Variants in TBC1D22A observed in about 807,000 individuals in gnomAD.
TBC1D22A encodes the protein TBC1 domain family member 22A.
In TBC1D22A, 38 loss-of-function variants were observed where a neutral mutation model predicts 60.2. The ratio of observed to expected loss-of-function variants is 0.63; its 90% CI spans 0.49 to 0.83. TBC1D22A has a LOEUF of 0.83. Among genes scored for constraint, TBC1D22A ranks in the 40% least tolerant of loss-of-function variants. The pLI is 0.00. For missense variants in TBC1D22A, 628 were observed against 701.0 expected (o/e 0.90, Z 1.18); for synonymous variants, 302 against 281.7 (o/e 1.07, Z -0.72).
intron 4 of TBC1D22A, among the ~76,000 whole-genome samples, chr22:46,843,284 C>T (rs1329919375): frequency 2.0e-5 from 3 of 152,040 alleles, no homozygotes; most frequent in Non-Finnish European, 4.4e-5. Flanking sequence ...CACAGAGCAG[C>T]GCTCAGTCAA....
intron 9 of TBC1D22A, among the ~76,000 whole-genome samples, chr22:46,976,335 G>A (rs557206998): frequency 5.9e-5 from 9 of 152,302 alleles, no homozygotes; most frequent in African/African-American, 1.4e-4. Flanking sequence ...CGTGGCAGCC[G>A]TTGATCTTCT....
rs550090415 is a variant in TBC1D22A, at chr22:46,971,967, G to A, written c.1016-2323G>A. 3.3e-5 allele frequency among the ~76,000 whole-genome samples: 5 copies of A among 152,344 alleles called. No homozygotes were observed. The South Asian group carries it at 1.0e-3, about 32-fold the overall frequency. On this transcript the variant is annotated intron_variant, in intron 8 of 12. Transcript: ENST00000337137. ...GTGGGTGGACAGAACCACCAGGAGAGTGCTGGTGTCATGGGCACACCCGGC... is the reference window on the plus strand; with the variant it reads ...GTGGGTGGACAGAACCACCAGGAGAATGCTGGTGTCATGGGCACACCCGGC...
chr22:46,898,276 C>G (rs1406419738), intron 7 of TBC1D22A, among the ~76,000 whole-genome samples: 2 of 152,098 alleles, frequency 1.3e-5, no homozygotes, highest in East Asian at 1.9e-4. Flanking sequence ...CCACCATGGG[C>G]CTTGAGCTGT....
At chr22:46,787,236 A>G (rs1019517882) in intron 1 of TBC1D22A, among the ~76,000 whole-genome samples, 19 of 152,022 alleles carry the variant, frequency 1.2e-4, no homozygotes, top group Non-Finnish European at 2.8e-4. Flanking sequence ...AGTCTAGCCA[A>G]AGGTTTGTCA....
intron 8 of TBC1D22A, among the ~76,000 whole-genome samples, chr22:46,916,572 CAG>C (rs941592727): frequency 6.6e-6 from 1 of 152,218 alleles, no homozygotes; most frequent in African/African-American, 2.4e-5. Flanking sequence ...CATAACCATA[CAG>C]AGACACAAAC....
intron 12 of TBC1D22A, among the ~76,000 whole-genome samples, chr22:47,156,019 C>T (rs752311562): frequency 6.6e-6 from 1 of 152,100 alleles, no homozygotes; most frequent in African/African-American, 2.4e-5. Context: ...ACACCGGGTT[C>T]ATCAAGTGCC....
chr22:47,001,299 CTT>C (rs11331060), intron 10 of TBC1D22A, among the ~76,000 whole-genome samples: 2,475 of 133,874 alleles, frequency 0.018, 36 homozygotes, highest in African/African-American at 0.048. Flanking sequence ...TTCTTTCTTT[CTT>C]TTTTTTTTTT....
chr22:46,949,712 T>C (rs2072780838), intron 8 of TBC1D22A, among the ~76,000 whole-genome samples: 1 of 152,202 alleles, frequency 6.6e-6, no homozygotes, highest in Non-Finnish European at 1.5e-5. Flanking sequence ...AGTTGGATAT[T>C]GGCAAGCACT....
chr22:46,782,214 C>A (rs1392308544), intron 1 of TBC1D22A, among the ~76,000 whole-genome samples: 1 of 152,178 alleles, frequency 6.6e-6, no homozygotes, highest in Non-Finnish European at 1.5e-5. Flanking sequence ...ACCATCACAC[C>A]CAGCTAATTC....
At chr22:46,850,510 A>G (rs1359005038) in intron 4 of TBC1D22A, among the ~76,000 whole-genome samples, 2 of 152,222 alleles carry the variant, frequency 1.3e-5, no homozygotes, top group Non-Finnish European at 2.9e-5. Context: ...CAAAAAGAAA[A>G]AAAAGACAGG....
At chr22:47,173,223 C>T (rs924446683) in intron 12 of TBC1D22A, among the ~76,000 whole-genome samples, 18 of 152,162 alleles carry the variant, frequency 1.2e-4, no homozygotes, top group African/African-American at 3.9e-4. Flanking sequence ...TGGGATGGGG[C>T]GGTGGCCGTG....
At chr22:46,834,912 C>G (rs976089584) in intron 4 of TBC1D22A, among the ~76,000 whole-genome samples, 1 of 152,184 alleles carries the variant, frequency 6.6e-6, no homozygotes. Context: ...CTTGACTTTC[C>G]TATATTGAGA....
At chr22:46,833,933 A>G (rs893251231) in intron 4 of TBC1D22A, among the ~76,000 whole-genome samples, 1 of 152,202 alleles carries the variant, frequency 6.6e-6, no homozygotes, top group African/African-American at 2.4e-5. Context: ...TTTTGTTCCC[A>G]TTTGGTCTCT....
chr22:47,077,729 A>G lies in TBC1D22A; in HGVS notation c.1330-33779A>G, dbSNP rs369779927. On this transcript the variant is annotated intron_variant, in intron 11 of 12. Transcript: ENST00000337137. ...CTGCGGTGGCAGAAGCACGGGGACC[A>G]TGGGATCAGTGAGCAGGGCCATTGG... is the stretch of plus-strand genomic sequence containing the variant. Among the ~76,000 whole-genome samples the G allele has an allele frequency of 2.8e-4, 43 of 152,284 alleles. No homozygotes were observed. In the South Asian group the frequency reaches 8.1e-3, roughly 29 times the overall value.
At chr22:47,132,300 G>A (rs1373588764) in intron 12 of TBC1D22A, among the ~76,000 whole-genome samples, 1 of 152,274 alleles carries the variant, frequency 6.6e-6, no homozygotes, top group African/African-American at 2.4e-5. Flanking sequence ...CCGTTCTTCT[G>A]GGACTGTCAC....
At chr22:47,165,737 G>A (rs1263030572) in intron 12 of TBC1D22A, among the ~76,000 whole-genome samples, 2 of 152,122 alleles carry the variant, frequency 1.3e-5, no homozygotes, top group African/African-American at 4.8e-5. Flanking sequence ...CTCCTGCTGG[G>A]AAATGTCATG....
chr22:47,153,042 G>A (rs564202752), intron 12 of TBC1D22A, among the ~76,000 whole-genome samples: 1 of 152,316 alleles, frequency 6.6e-6, no homozygotes, highest in African/African-American at 2.4e-5. Flanking sequence ...CAGCAGCCTC[G>A]GTGCTTTCAG....
At chr22:47,008,152 T>A (rs2061646913) in intron 10 of TBC1D22A, among the ~76,000 whole-genome samples, 1 of 152,228 alleles carries the variant, frequency 6.6e-6, no homozygotes, top group Non-Finnish European at 1.5e-5. Context: ...CAAATTTGGA[T>A]TTTGTCCATT....
intron 7 of TBC1D22A, among the ~76,000 whole-genome samples, chr22:46,908,608 C>G (rs5769234): frequency 0.5 from 76,445 of 151,974 alleles, 20,810 homozygotes; most frequent in African/African-American, 0.71. Context: ...TCCATTTTTC[C>G]TCAAAGTAAT....
Sources: gnomAD v4.1 joint callset for allele counts (sites outside exome capture counted in the v4.1 genomes callset) on GRCh38, gnomAD v4.1.1 for gene constraint, MANE v1.5 for transcripts, NCBI Gene and HGNC (gene_info 2026-07-23, HGNC 2026-07-21) for gene names.